Variants in CRADD observed in about 807,000 individuals in gnomAD.
The protein encoded by CRADD is death domain-containing protein CRADD.
A neutral mutation model predicts 15.5 loss-of-function variants in CRADD; 9 were observed. The ratio of observed to expected loss-of-function variants is 0.58; its 90% CI spans 0.35 to 1.01. The LOEUF (loss-of-function observed/expected upper bound fraction) is 1.01. CRADD is among the 50% of genes least tolerant of loss of function. The probability of loss-of-function intolerance (pLI) is 0.02; values close to 1 mark genes in which losing one functional copy is unlikely to be tolerated. For missense variants in CRADD, 227 were observed against 250.3 expected (o/e 0.91, Z 0.63); for synonymous variants, 118 against 107.6 (o/e 1.10, Z -0.60).
At chr12:93,732,922 C>T (rs1020223763) in intron 2 of CRADD, among the ~76,000 whole-genome samples, 6 of 152,170 alleles carry the variant, frequency 3.9e-5, no homozygotes, top group Non-Finnish European at 7.3e-5. Flanking sequence ...GGAAAGAATG[C>T]ACACTGTCTT....
intron 2 of CRADD, among the ~76,000 whole-genome samples, chr12:93,763,942 G>A (rs759740933): frequency 1.1e-4 from 16 of 152,118 alleles, no homozygotes; most frequent in East Asian, 1.9e-4. Flanking sequence ...AAATAAACCC[G>A]ATTTCTTTTG....
chr12:93,769,750 A>G (rs1330557346), intron 2 of CRADD, among the ~76,000 whole-genome samples: 2 of 152,074 alleles, frequency 1.3e-5, no homozygotes, highest in Admixed American at 6.5e-5. Flanking sequence ...TAATGAGCAC[A>G]TTTTCATATG....
intron 2 of CRADD, among the ~76,000 whole-genome samples, chr12:93,810,347 G>A (rs1399171241): frequency 1.3e-5 from 2 of 151,868 alleles, no homozygotes; most frequent in African/African-American, 2.4e-5. Context: ...TCGGGAGTTC[G>A]AGACCAGCCT....
intron 2 of CRADD, among the ~76,000 whole-genome samples, chr12:93,686,918 T>G (rs1056506923): frequency 9.2e-5 from 14 of 152,186 alleles, no homozygotes; most frequent in Non-Finnish European, 1.8e-4. Context: ...TAATGCATTT[T>G]TTTTTTTTTC....
At position 93,881,403 on chromosome 12, in the gene CRADD, T is replaced by A. The variant is rs889843222; in HGVS notation, c.299-12647T>A. 4.8e-5 allele frequency among the ~76,000 whole-genome samples: 7 copies of A among 147,288 alleles called. 1 individual carries two copies. Among genetic ancestry groups the A allele is most frequent in the Middle Eastern group, 6.9e-3 (2 of 288 alleles). ...TCACAGCTTTTTAGAAACACGTCAA[T>A]TTTTTTTGTGTTCTGCAGCTCTCAA... On this transcript the variant is annotated intron_variant, in intron 2 of 2. Coordinates refer to the CRADD transcript ENST00000548483.
intron 2 of CRADD, among the ~76,000 whole-genome samples, chr12:93,806,738 T>C (rs995940948): frequency 1.3e-5 from 2 of 152,162 alleles, no homozygotes; most frequent in African/African-American, 4.8e-5. Flanking sequence ...AAGGTAAAGA[T>C]TGATGGTGTG....
At chr12:93,678,698 T>C (rs1388923975) in intron 1 of CRADD, 71 bp from the exon 2 acceptor site, 13 of 1,506,718 alleles carry the variant, frequency 8.6e-6, no homozygotes, top group East Asian at 6.8e-5. Flanking sequence ...GGAACTTACA[T>C]TGCAGTGACA....
rs536327091 is a variant in CRADD at position 93,783,804 on chromosome 12, A to G, written c.299-66166A>G. Among the ~76,000 whole-genome samples, 4 of 152,352 alleles carry G rather than the reference A, an allele frequency of 2.6e-5. No homozygotes were observed. The East Asian group carries it at 7.7e-4, about 29-fold the overall frequency. On this transcript the variant is annotated intron_variant, in intron 2 of 2. Coordinates refer to ENST00000332896, the MANE Select transcript of CRADD (RefSeq NM_003805.5). ...CACAAGAAATTCCCTAAAAATGTCA[A>G]AGCAAATGAACAAGTGAAATTCTGC...
At chr12:93,696,576 TGGA>T (rs1955711376) in intron 2 of CRADD, among the ~76,000 whole-genome samples, 1 of 151,990 alleles carries the variant, frequency 6.6e-6, no homozygotes, top group South Asian at 2.1e-4. Context: ...TACCAGAGGC[TGGA>T]GGAGATGTGA....
intron 2 of CRADD, among the ~76,000 whole-genome samples, chr12:93,792,155 C>T (rs11107185): frequency 0.079 from 12,085 of 152,130 alleles, 521 homozygotes; most frequent in East Asian, 0.17. Context: ...TAGAGAATAA[C>T]TCATTTTTGA....
intron 2 of CRADD, among the ~76,000 whole-genome samples, chr12:93,860,194 A>G (rs1184025758): frequency 6.6e-6 from 1 of 152,214 alleles, no homozygotes; most frequent in Non-Finnish European, 1.5e-5. Context: ...TGACATCTTA[A>G]CTGTTTGCTT....
intron 2 of CRADD, among the ~76,000 whole-genome samples, chr12:93,757,686 T>A (rs931228871): frequency 3.9e-5 from 6 of 152,184 alleles, no homozygotes; most frequent in African/African-American, 1.4e-4. Context: ...TCATTAGAGC[T>A]TAAGAAGGAG....
chr12:93,753,271 C>T (rs553853166), intron 2 of CRADD, among the ~76,000 whole-genome samples: 1 of 152,298 alleles, frequency 6.6e-6, no homozygotes, highest in East Asian at 1.9e-4. Flanking sequence ...ATTCAATTAC[C>T]TCCCACTGGG....
At chr12:93,787,128 ATTTTT>A (rs11315592) in intron 2 of CRADD, among the ~76,000 whole-genome samples, 5 of 107,698 alleles carry the variant, frequency 4.6e-5, no homozygotes, top group African/African-American at 3.8e-5. Context: ...TCTGCTGAAG[ATTTTT>A]TTTTTTTTTT....
In CRADD at chr12:93,889,150, G is replaced by A. The variant is rs550249053; in HGVS notation, c.299-4900G>A. Among the ~76,000 whole-genome samples the A allele has an allele frequency of 6.6e-5, 10 of 152,226 alleles. No individual in the cohort carries two copies. In the South Asian group the frequency reaches 2.1e-3, roughly 32 times the overall value. ...TCCAGCAGCCCTGTCTTCAAAGAGG[G>A]TCTGGAAGCTCTCACTTTTTCCTGG... On this transcript the variant is annotated intron_variant, in intron 2 of 2. Coordinates refer to the CRADD transcript ENST00000548483.
chr12:93,748,725 C>G (rs1201307413), intron 2 of CRADD, among the ~76,000 whole-genome samples: 2 of 152,200 alleles, frequency 1.3e-5, no homozygotes, highest in Non-Finnish European at 2.9e-5. Context: ...ATCCAGTCCC[C>G]CTTCGGGACC....
At chr12:93,711,055 C>CCCCCTCTT in intron 2 of CRADD, among the ~76,000 whole-genome samples, 1 of 43,504 alleles carries the variant, frequency 2.3e-5, no homozygotes, top group African/African-American at 8.5e-5. Context: ...CCACCCCCGC[C>CCCCCTCTT]TTTTTTTTTT....
rs552063803 is a variant in CRADD at position 93,807,676 on chromosome 12, G to A, written c.299-42294G>A. Among the ~76,000 whole-genome samples the A allele has an allele frequency of 2.6e-5, 4 of 152,214 alleles. No individual in the cohort carries two copies. The East Asian group carries it at 7.8e-4, about 30-fold the overall frequency. On this transcript the variant is annotated intron_variant, in intron 2 of 2. Coordinates refer to ENST00000332896, the MANE Select transcript of CRADD (RefSeq NM_003805.5). ...AGGTAGAGATAAATGCTATGATGCA[G>A]ATCACCTGAGTGATATGACTGGAAT...
At chr12:93,701,252 T>C (rs1955838369) in intron 2 of CRADD, among the ~76,000 whole-genome samples, 1 of 151,772 alleles carries the variant, frequency 6.6e-6, no homozygotes, top group African/African-American at 2.4e-5. Context: ...TCTCCTCCTC[T>C]TCCTCCTGTT....
Sources: gnomAD v4.1 joint callset for allele counts (sites outside exome capture counted in the v4.1 genomes callset) on GRCh38, gnomAD v4.1.1 for gene constraint, MANE v1.5 for transcripts, NCBI Gene and HGNC (gene_info 2026-07-23, HGNC 2026-07-21) for gene names.